Variants in SEMA5A observed in about 807,000 individuals in gnomAD.
SEMA5A encodes semaphorin 5A.
A neutral mutation model predicts 135.5 loss-of-function variants in SEMA5A; 55 were observed. The ratio of observed to expected loss-of-function variants is 0.41; its 90% confidence interval spans 0.33 to 0.51. SEMA5A has a LOEUF of 0.51. SEMA5A is among the 20% of genes least tolerant of loss of function. The probability of loss-of-function intolerance (pLI) is 0.37; values close to 1 mark genes in which losing one functional copy is unlikely to be tolerated. For synonymous variants in SEMA5A, 580 were observed against 546.5 expected (o/e 1.06, Z -0.85); for missense variants, 1,290 against 1,419.9 (o/e 0.91, Z 1.47).
At chr5:9,459,223 A>T (rs1758963509) in intron 1 of SEMA5A, among the ~76,000 whole-genome samples, 1 of 152,200 alleles carries the variant, frequency 6.6e-6, no homozygotes, top group Non-Finnish European at 1.5e-5. Context: ...AGCTACCCTG[A>T]TACCTGCTTC....
chr5:9,194,491 G>T (rs929974620), intron 10 of SEMA5A, among the ~76,000 whole-genome samples: 1 of 152,110 alleles, frequency 6.6e-6, no homozygotes, highest in Admixed American at 6.5e-5. Flanking sequence ...CAAACATAAG[G>T]CCTCTTATAC....
chr5:9,412,456 A>G (rs1757132520), intron 2 of SEMA5A, among the ~76,000 whole-genome samples: 1 of 149,234 alleles, frequency 6.7e-6, no homozygotes, highest in African/African-American at 2.5e-5. Context: ...TAAATTATAA[A>G]CTGTTTTATT....
intron 2 of SEMA5A, among the ~76,000 whole-genome samples, chr5:9,429,816 G>A (rs537770103): frequency 3.0e-4 from 46 of 152,360 alleles, no homozygotes; most frequent in South Asian, 8.3e-4. Context: ...GATAGATAGA[G>A]AAGAGAGAGG....
rs1243020402 is a variant in SEMA5A, at chr5:9,204,317, T to C, written c.647-2077A>G. Among the ~76,000 whole-genome samples the C allele has an allele frequency of 6.6e-6, 1 of 152,076 alleles. No individual in the cohort carries two copies. Among genetic ancestry groups the C allele is most frequent in the African/African-American group, 2.4e-5 (1 of 41,400 alleles). Reference sequence around the variant, plus strand: ...AGGTTACCAGCACACATGCAGGAGGTCCACCAAAACTTATCAAATACACTC... The same window carrying C: ...AGGTTACCAGCACACATGCAGGAGGCCCACCAAAACTTATCAAATACACTC... On this transcript the variant is annotated intron_variant, in intron 8 of 22. Transcript: ENST00000382496. The surrounding 1 kb of genome is among the most constrained non-coding windows in gnomAD (Gnocchi z 6.4).
intron 16 of SEMA5A, among the ~76,000 whole-genome samples, chr5:9,088,318 A>G (rs1446354543): frequency 6.7e-6 from 1 of 149,968 alleles, no homozygotes; most frequent in East Asian, 1.9e-4. Context: ...AAAAAAAAAA[A>G]GAAAAGAAAA....
At chr5:9,119,263 G>A in intron 14 of SEMA5A, 122 bp from the exon 15 acceptor site, 2 of 1,171,650 alleles carry the variant, frequency 1.7e-6, no homozygotes, top group Admixed American at 4.8e-5. Flanking sequence ...GCTCAGGAGA[G>A]AAAACACCAG....
In SEMA5A at chr5:9,159,969, G is replaced by A. The variant is rs550681088; in HGVS notation, c.1274-5274C>T. Among the ~76,000 whole-genome samples, 33 of 152,096 alleles carry A rather than the reference G, an allele frequency of 2.2e-4. No individual in the cohort carries two copies. In the South Asian group the frequency reaches 3.5e-3, roughly 16 times the overall value. ...ACACAGGAACAGAAAACCAAACACC[G>A]CATGTTCTCACTCTTAAGTGGGAGT... On this transcript the variant is annotated intron_variant, in intron 11 of 22. Coordinates refer to ENST00000382496, the MANE Select transcript of SEMA5A (RefSeq NM_003966.3).
At chr5:9,363,492 G>A (rs887090920) in intron 3 of SEMA5A, 2 of 152,190 alleles carry the variant, frequency 1.3e-5, no homozygotes, top group Non-Finnish European at 2.9e-5. Flanking sequence ...AGTGAGAGAA[G>A]TTCTAGAAGG....
At chr5:9,101,536 A>T (rs1366856008) in intron 16 of SEMA5A, among the ~76,000 whole-genome samples, 1 of 152,222 alleles carries the variant, frequency 6.6e-6, no homozygotes, top group Non-Finnish European at 1.5e-5. Context: ...TATCTATAAA[A>T]ATTCTGTATG....
intron 2 of SEMA5A, among the ~76,000 whole-genome samples, chr5:9,383,964 G>A (rs1324775480): frequency 7.9e-5 from 12 of 152,188 alleles, no homozygotes; most frequent in Admixed American, 6.5e-5. Context: ...AATGGAACAC[G>A]TAGTTCAAGG....
At chr5:9,376,471 G>A (rs1199497374) in intron 3 of SEMA5A, among the ~76,000 whole-genome samples, 8 of 152,080 alleles carry the variant, frequency 5.3e-5, no homozygotes, top group African/African-American at 1.2e-4. Context: ...TTCAACCACC[G>A]TCCTACAGCC....
At chr5:9,090,016 T>C (rs1738944579) in intron 16 of SEMA5A, among the ~76,000 whole-genome samples, 1 of 152,200 alleles carries the variant, frequency 6.6e-6, no homozygotes. Flanking sequence ...AAGTGAAATG[T>C]AAATATGTGT....
At chr5:9,301,942 G>T (rs1299343541) in intron 5 of SEMA5A, among the ~76,000 whole-genome samples, 1 of 151,992 alleles carries the variant, frequency 6.6e-6, no homozygotes, top group Non-Finnish European at 1.5e-5. Flanking sequence ...GCAGAGCTAT[G>T]CTCCCCTAGG....
intron 6 of SEMA5A, among the ~76,000 whole-genome samples, chr5:9,235,857 T>C (rs1252372186): frequency 6.6e-6 from 1 of 152,184 alleles, no homozygotes; most frequent in Non-Finnish European, 1.5e-5. Context: ...TATTAGTCTG[T>C]TCTCACACTG....
intron 1 of SEMA5A, among the ~76,000 whole-genome samples, chr5:9,476,889 C>T (rs1759686817): frequency 6.6e-6 from 1 of 151,204 alleles, no homozygotes; most frequent in African/African-American, 2.4e-5. Context: ...CTAGCCTAGG[C>T]AACATAGCAA....
At chr5:9,146,229 C>T (rs891843646) in intron 12 of SEMA5A, among the ~76,000 whole-genome samples, 1 of 152,136 alleles carries the variant, frequency 6.6e-6, no homozygotes, top group African/African-American at 2.4e-5. Flanking sequence ...TCCTCACTGT[C>T]CTAATTAGCA....
At chr5:9,113,034 A>G (rs1740324536) in intron 15 of SEMA5A, among the ~76,000 whole-genome samples, 1 of 152,106 alleles carries the variant, frequency 6.6e-6, no homozygotes, top group East Asian at 1.9e-4. Flanking sequence ...CAACCACATG[A>G]TCTTGGAGGC....
At chr5:9,445,107 T>C (rs1758382571) in intron 1 of SEMA5A, among the ~76,000 whole-genome samples, 1 of 152,180 alleles carries the variant, frequency 6.6e-6, no homozygotes, top group Non-Finnish European at 1.5e-5. Flanking sequence ...ATGGCCTTAC[T>C]TTCCACATCA....
chr5:9,542,346 G>T (rs187645785), intron 1 of SEMA5A, among the ~76,000 whole-genome samples: 1 of 152,094 alleles, frequency 6.6e-6, no homozygotes, highest in African/African-American at 2.4e-5. Context: ...AATTTTAAAA[G>T]GTTGCTGAGA....
Sources: allele counts gnomAD v4.1 joint callset (sites outside exome capture counted in the v4.1 genomes callset), GRCh38; gene constraint gnomAD v4.1.1; non-coding constraint Gnocchi (gnomAD v3.1); transcripts MANE v1.5; gene names NCBI Gene and HGNC (gene_info 2026-07-23, HGNC 2026-07-21).